The following PIK3CB variants were observed in gnomAD, a reference collection of about 807,000 sequenced individuals.
PIK3CB encodes the protein phosphatidylinositol-4,5-bisphosphate 3-kinase catalytic subunit beta.
Under a neutral mutation model 136.8 loss-of-function variants are expected in PIK3CB, and 39 were observed. The observed-to-expected ratio is 0.29, with a 90% confidence interval of 0.22 to 0.37. The LOEUF (loss-of-function observed/expected upper bound fraction) is 0.37. Among genes scored for constraint, PIK3CB ranks in the 10% least tolerant of loss-of-function variants. PIK3CB has a pLI of 1.00. For missense variants in PIK3CB, 868 were observed against 1,275.4 expected, an observed-to-expected ratio of 0.68 and a Z score of 4.87; for synonymous variants, 428 against 436.6, an observed-to-expected ratio of 0.98 and a Z score of 0.25.
intron 2 of PIK3CB, among the ~76,000 whole-genome samples, chr3:138,786,422 C>T (rs1003744426): frequency 6.6e-6 from 1 of 151,886 alleles, no homozygotes; most frequent in African/African-American, 2.4e-5. Flanking sequence ...ATGACGCGAT[C>T]TTGGCTCGCT....
intron 1 of PIK3CB, among the ~76,000 whole-genome samples, chr3:138,833,591 A>C (rs1158218169): frequency 6.6e-6 from 1 of 152,210 alleles, no homozygotes. Flanking sequence ...ACTTCCATTC[A>C]GTGCTTCAAA....
chr3:138,726,118 T>G lies in PIK3CB; in HGVS notation c.1050+7243A>C, dbSNP rs149971190. ...ATTTGCATCTGTCCCATGTGTGCACTACACATTAACCAGTTTGAGACTTGG... is the reference window on the plus strand; with the variant it reads ...ATTTGCATCTGTCCCATGTGTGCACGACACATTAACCAGTTTGAGACTTGG... On this transcript the variant is annotated intron_variant, in intron 8 of 23. Transcript: ENST00000674063. Among the ~76,000 whole-genome samples the G allele has an allele frequency of 5.5e-4, 84 of 152,340 alleles. 2 individuals carry two copies. The South Asian group carries it at 0.01, about 19-fold the overall frequency.
intron 1 of PIK3CB, among the ~76,000 whole-genome samples, chr3:138,817,028 C>T (rs1933366194): frequency 6.7e-6 from 1 of 150,152 alleles, no homozygotes; most frequent in South Asian, 2.1e-4. Flanking sequence ...TGGAGAAACC[C>T]CGTCTCTACT....
At chr3:138,749,306 T>C (rs1306439636) in intron 4 of PIK3CB, among the ~76,000 whole-genome samples, 1 of 152,222 alleles carries the variant, frequency 6.6e-6, no homozygotes, top group Admixed American at 6.5e-5. Flanking sequence ...CTCAACTCTG[T>C]CCACTTCTCT....
intron 19 of PIK3CB, among the ~76,000 whole-genome samples, chr3:138,672,795 C>T (rs961646086): frequency 6.6e-6 from 1 of 151,230 alleles, no homozygotes; most frequent in Non-Finnish European, 1.5e-5. Flanking sequence ...TCCTGTAATC[C>T]CAGCTACTGG....
At chr3:138,662,828 A>C (rs1577042588) in intron 21 of PIK3CB, among the ~76,000 whole-genome samples, 1 of 152,132 alleles carries the variant, frequency 6.6e-6, no homozygotes, top group South Asian at 2.1e-4. Context: ...ATGGTATCCC[A>C]CTGTGGTTTT....
chr3:138,793,434 C>G (rs575809691), intron 2 of PIK3CB, among the ~76,000 whole-genome samples: 1 of 151,774 alleles, frequency 6.6e-6, no homozygotes, highest in Admixed American at 6.6e-5. Flanking sequence ...GGTGAAACCC[C>G]GTCTCTAATA....
intron 1 of PIK3CB, among the ~76,000 whole-genome samples, chr3:138,803,875 A>G (rs1485144745): frequency 6.6e-6 from 1 of 152,190 alleles, no homozygotes; most frequent in Non-Finnish European, 1.5e-5. Flanking sequence ...CTCTCAGCAG[A>G]ATGAATTTGA....
At chr3:138,727,521 A>G (rs2044866119) in intron 8 of PIK3CB, among the ~76,000 whole-genome samples, 2 of 152,212 alleles carry the variant, frequency 1.3e-5, no homozygotes. Context: ...CCAGCAGGGA[A>G]TTGGAGACTT....
rs75515276 is a variant in PIK3CB, at chr3:138,758,362, G to A, written c.171+811C>T. ...GCACTGTGAATGCACACCTAAAAAT[G>A]TCTAAATAGTAAATTCCAGGTTATG... On this transcript the variant is annotated intron_variant, in intron 3 of 23. Coordinates refer to ENST00000674063, the MANE Select transcript of PIK3CB (RefSeq NM_006219.3). 8.6e-3 allele frequency among the ~76,000 whole-genome samples: 1,304 copies of A among 152,292 alleles called. 25 individuals are homozygous for A. Among genetic ancestry groups the A allele is most frequent in the African/African-American group, 0.028 (1,182 of 41,568 alleles).
At chr3:138,827,844 C>T (rs978833040) in intron 1 of PIK3CB, among the ~76,000 whole-genome samples, 2 of 151,046 alleles carry the variant, frequency 1.3e-5, no homozygotes, top group African/African-American at 4.9e-5. Context: ...AAAAAATTAG[C>T]CGGGCGTGGT....
At chr3:138,783,216 T>C (rs149005978) in intron 2 of PIK3CB, among the ~76,000 whole-genome samples, 2,176 of 152,342 alleles carry the variant, frequency 0.014, 156 homozygotes, top group Admixed American at 0.12. Flanking sequence ...AGAATTATTT[T>C]ATTTTCATAA....
Position 138,716,242 on chromosome 3 carries a change from C to T in PIK3CB, c.1051-1523G>A, listed in dbSNP as rs74891849. ...AATTCCCTTCAACTCCAGAAAAAGGCGTAATCCTTCAAGTCCCCTGGTCCC... is the reference window on the plus strand; with the variant it reads ...AATTCCCTTCAACTCCAGAAAAAGGTGTAATCCTTCAAGTCCCCTGGTCCC... On this transcript the variant is annotated intron_variant, in intron 8 of 23. Transcript: ENST00000674063. 1.6e-3 allele frequency among the ~76,000 whole-genome samples: 250 copies of T among 152,164 alleles called. 4 individuals carry two copies. The East Asian group carries it at 0.044, about 27-fold the overall frequency.
In PIK3CB at chr3:138,714,515, T is replaced by C. The variant is rs1559835831; in HGVS notation, c.1255A>G (p.Thr419Ala). ...DKVKTKKSTK[T>A]INPSKYQTIR... is the part of the protein sequence containing the mutation. ...GTCTGATATTTAGAGGGATTAATAGTTTTCGTTGATTTCTTCGTTTTTACT... is the reference window on the plus strand; with the variant it reads ...GTCTGATATTTAGAGGGATTAATAGCTTTCGTTGATTTCTTCGTTTTTACT... Residue 419 changes from threonine (T) to alanine (A), a missense_variant, in exon 9 of 24, where the codon ACT becomes GCT. Physicochemically the swap from Thr to Ala is moderately conservative, Grantham distance 58. Around this residue, in one of 4 missense-constraint regions of PIK3CB, gnomAD observed 612 missense variants for 801.1 expected, o/e 0.76. Coordinates refer to ENST00000674063, the MANE Select transcript of PIK3CB (RefSeq NM_006219.3). The C allele has an allele frequency of 6.2e-7, 1 of 1,611,982 alleles. No homozygotes were observed. The highest frequency in any genetic ancestry group is 1.3e-5 in the African/African-American group (1 of 75,014).
chr3:138,828,622 G>A (rs1434482482), intron 1 of PIK3CB, among the ~76,000 whole-genome samples: 1 of 152,030 alleles, frequency 6.6e-6, no homozygotes, highest in Admixed American at 6.6e-5. Context: ...AAGCAAGCTG[G>A]GAGAGGTGAA....
chr3:138,823,489 G>A (rs958174771), intron 1 of PIK3CB, among the ~76,000 whole-genome samples: 1 of 151,682 alleles, frequency 6.6e-6, no homozygotes, highest in Admixed American at 6.6e-5. Flanking sequence ...CAGATCACGA[G>A]GTCAGGAGAT....
At chr3:138,670,498 C>T (rs1028774852) in intron 19 of PIK3CB, among the ~76,000 whole-genome samples, 5 of 152,116 alleles carry the variant, frequency 3.3e-5, no homozygotes, top group African/African-American at 9.7e-5. Context: ...CAGAATGAGC[C>T]AGATAATAAA....
intron 13 of PIK3CB, among the ~76,000 whole-genome samples, chr3:138,696,823 G>GAGTTGGGA (rs1298719235): frequency 3.3e-5 from 5 of 152,120 alleles, no homozygotes; most frequent in Non-Finnish European, 7.3e-5. Flanking sequence ...GAGTTGGGAA[G>GAGTTGGGA]AGACCATTTC....
intron 21 of PIK3CB, among the ~76,000 whole-genome samples, chr3:138,662,573 C>T (rs374038944): frequency 1.1e-4 from 16 of 147,936 alleles, no homozygotes; most frequent in East Asian, 4.0e-4. Flanking sequence ...AATAAACATA[C>T]GTGTGCATGT....
Sources: gnomAD v4.1 joint callset for allele counts (sites outside exome capture counted in the v4.1 genomes callset) on GRCh38, gnomAD v4.1.1 for gene constraint, gnomAD v4.1.1 regional missense constraint, MANE v1.5 for transcripts, NCBI Gene and HGNC (gene_info 2026-07-23, HGNC 2026-07-21) for gene names.